NRG2: variants seen among roughly 807,000 people sequenced by gnomAD.
The protein encoded by NRG2 is pro-neuregulin-2, membrane-bound isoform.
NRG2 carries 27 observed loss-of-function variants against 73.9 expected under a neutral mutation model. The observed-to-expected ratio is 0.37, with a 90% CI of 0.27 to 0.50. The LOEUF (loss-of-function observed/expected upper bound fraction) is 0.50, where lower values mean the gene tolerates loss of function less well. Ranked by LOEUF, NRG2 falls within the 20% of genes least tolerant of loss-of-function variation. The probability of loss-of-function intolerance (pLI) is 0.96; values close to 1 mark genes in which losing one functional copy is unlikely to be tolerated. For missense variants in NRG2, 1,126 were observed against 1,210.1 expected (o/e 0.93, Z 1.03); for synonymous variants, 532 against 541.0 (o/e 0.98, Z 0.23).
intron 1 of NRG2, among the ~76,000 whole-genome samples, chr5:139,913,585 T>C (rs2127200909): frequency 6.6e-6 from 1 of 152,322 alleles, no homozygotes; most frequent in Non-Finnish European, 1.5e-5. Flanking sequence ...ATGAGAGCCT[T>C]TGTGCCCTCT....
At chr5:140,000,366 C>T (rs889766475) in intron 1 of NRG2, among the ~76,000 whole-genome samples, 1 of 152,216 alleles carries the variant, frequency 6.6e-6, no homozygotes, top group Admixed American at 6.5e-5. Context: ...TTGCACTACC[C>T]TTCCAGCTTC....
intron 1 of NRG2, among the ~76,000 whole-genome samples, chr5:139,966,320 G>C (rs1048754854): frequency 1.3e-5 from 2 of 152,192 alleles, no homozygotes; most frequent in East Asian, 3.8e-4. Flanking sequence ...GCACTTACGC[G>C]ACAGGTACTG....
chr5:139,890,379 G>A (rs1764128002), intron 1 of NRG2, among the ~76,000 whole-genome samples: 1 of 151,440 alleles, frequency 6.6e-6, no homozygotes, highest in Non-Finnish European at 1.5e-5. Flanking sequence ...TTAACCTTTT[G>A]CTACAAAGTT....
chr5:139,926,500 A>C (rs976032894), intron 1 of NRG2, among the ~76,000 whole-genome samples: 1 of 151,976 alleles, frequency 6.6e-6, no homozygotes. Flanking sequence ...ATCAGACCTC[A>C]GGCTGGCTTC....
intron 1 of NRG2, among the ~76,000 whole-genome samples, chr5:139,971,788 A>G (rs558014131): frequency 6.6e-6 from 1 of 152,308 alleles, no homozygotes; most frequent in Non-Finnish European, 1.5e-5. Context: ...AAAAGGAATA[A>G]ATGAAAGTAA....
Position 139,894,843 on chromosome 5 carries a change from C to T in NRG2, c.701-7332G>A, listed in dbSNP as rs1440214890. Among the ~76,000 whole-genome samples the T allele has an allele frequency of 6.6e-6, 1 of 152,190 alleles. No individual in the cohort carries two copies. Among genetic ancestry groups the T allele is most frequent in the East Asian group, 1.9e-4 (1 of 5,188 alleles). ...ACAGAGGCTGATCCTCAAAGAGGAC[C>T]ACCTTCCCTGCACCAGTGAAAACCA... On this transcript the variant is annotated intron_variant, in intron 1 of 9. Coordinates refer to ENST00000361474, the MANE Select transcript of NRG2 (RefSeq NM_004883.3). This position sits in a 1 kb window ranked among gnomAD's most constrained non-coding sequence, Gnocchi z 5.0.
chr5:139,852,452 G>A lies in NRG2; in HGVS notation c.1524C>T (p.Ala508=), dbSNP rs890572118. 1.2e-6 allele frequency: 2 copies of A among 1,613,964 alleles called. No individual in the cohort carries two copies. ...CCTACCTGTGGCTGGAGGTGGGTGT[G>A]GCTGTGGAGCAGTGGTGAGAAGGAG... The part of the protein sequence containing the change: ...SCSPSHHCST[A]TPTSSHRHES... The change falls in exon 8 of 10, where the codon GCC becomes GCT. Residue 508 remains alanine (A), a synonymous_variant. Coordinates refer to ENST00000361474, the MANE Select transcript of NRG2 (RefSeq NM_004883.3). This position sits in a 1 kb window ranked among gnomAD's most constrained non-coding sequence, Gnocchi z 4.4.
intron 1 of NRG2, among the ~76,000 whole-genome samples, chr5:139,999,032 C>T (rs1359241853): frequency 6.6e-6 from 1 of 152,064 alleles, no homozygotes; most frequent in East Asian, 1.9e-4. Context: ...AACACACAAC[C>T]CTCTAGGGAC....
intron 1 of NRG2, among the ~76,000 whole-genome samples, chr5:139,993,867 C>A (rs540239830): frequency 6.3e-4 from 96 of 152,120 alleles, no homozygotes; most frequent in African/African-American, 2.2e-3. Context: ...TGTCTGAATC[C>A]ATATAGTCAA....
intron 1 of NRG2, among the ~76,000 whole-genome samples, chr5:139,980,994 A>G (rs1424913580): frequency 6.6e-6 from 1 of 152,188 alleles, no homozygotes; most frequent in African/African-American, 2.4e-5. Context: ...ACTAAGCCTT[A>G]GCTCCTGGGG....
At chr5:139,942,304 A>G (rs1404760474) in intron 1 of NRG2, among the ~76,000 whole-genome samples, 1 of 152,196 alleles carries the variant, frequency 6.6e-6, no homozygotes, top group Non-Finnish European at 1.5e-5. Flanking sequence ...CCTTCAAAGT[A>G]CCTGTAGATA....
At chr5:139,926,793 T>C (rs570125907) in intron 1 of NRG2, among the ~76,000 whole-genome samples, 15 of 152,282 alleles carry the variant, frequency 9.9e-5, no homozygotes, top group Admixed American at 3.9e-4. Flanking sequence ...CTTGTTTGGG[T>C]GCAAGTAAAT....
At chr5:139,926,184 C>T (rs1441714645) in intron 1 of NRG2, among the ~76,000 whole-genome samples, 1 of 152,252 alleles carries the variant, frequency 6.6e-6, no homozygotes, top group African/African-American at 2.4e-5. Context: ...CTTTGGGTCT[C>T]CAAGAGGTGA....
rs1673027655 is a variant in NRG2 at position 139,894,074 on chromosome 5, T to G, written c.701-6563A>C. Reference sequence around the variant, plus strand: ...CCCTGAGACCAGGGGGTGCCGCTGCTGCCAGCAGCTTAACCTCATTCCTCT... The same window carrying G: ...CCCTGAGACCAGGGGGTGCCGCTGCGGCCAGCAGCTTAACCTCATTCCTCT... On this transcript the variant is annotated intron_variant, in intron 1 of 9. Coordinates refer to ENST00000361474, the MANE Select transcript of NRG2 (RefSeq NM_004883.3). The surrounding 1 kb of genome is among the most constrained non-coding windows in gnomAD (Gnocchi z 5.0). Among the ~76,000 whole-genome samples, 1 of 152,204 alleles carries G rather than the reference T, an allele frequency of 6.6e-6. No homozygotes were observed. Among genetic ancestry groups the G allele is most frequent in the Admixed American group, 6.5e-5 (1 of 15,288 alleles).
At chr5:139,889,014 G>T (rs1012382892) in intron 1 of NRG2, among the ~76,000 whole-genome samples, 1 of 152,132 alleles carries the variant, frequency 6.6e-6, no homozygotes, top group Non-Finnish European at 1.5e-5. Flanking sequence ...TTTCGCCTGG[G>T]TGTTAAATAT....
At chr5:139,892,253 GT>G (rs1346413256) in intron 1 of NRG2, among the ~76,000 whole-genome samples, 1 of 152,194 alleles carries the variant, frequency 6.6e-6, no homozygotes, top group East Asian at 1.9e-4. Context: ...GCCCTGCCAG[GT>G]TTTCTGTGGC....
intron 1 of NRG2, among the ~76,000 whole-genome samples, chr5:139,921,028 A>G (rs1751619249): frequency 6.6e-6 from 1 of 152,252 alleles, no homozygotes; most frequent in Non-Finnish European, 1.5e-5. Context: ...GAAATATTTC[A>G]GTATAAATCT....
intron 1 of NRG2, among the ~76,000 whole-genome samples, chr5:139,927,484 G>T (rs1198199931): frequency 6.6e-6 from 1 of 152,118 alleles, no homozygotes; most frequent in East Asian, 1.9e-4. Flanking sequence ...GCTCCTTAAA[G>T]AATGAATCAG....
At position 139,847,952 on chromosome 5, in the gene NRG2, G is replaced by A. The variant is rs1046600948; in HGVS notation, c.2518C>T (p.Pro840Ser). The part of the protein sequence containing the change: ...RASSRHSRGP[P>S]PRAKQDSAPL ...GCCGAGTCCTGCTTGGCCCGCGGGGGCGGCCCGCGGCTGTGTCTGCTGCTG... is the reference window on the plus strand; with the variant it reads ...GCCGAGTCCTGCTTGGCCCGCGGGGACGGCCCGCGGCTGTGTCTGCTGCTG... Residue 840 changes from proline (P) to serine (S), a missense_variant, in exon 10 of 10, where the codon CCC becomes TCC. Pro to Ser is a moderately conservative substitution (Grantham distance 74, BLOSUM62 -1). Coordinates refer to ENST00000361474, the MANE Select transcript of NRG2 (RefSeq NM_004883.3). 4 of 1,507,112 alleles carry A rather than the reference G, an allele frequency of 2.7e-6. No individual in the cohort carries two copies. The highest frequency in any genetic ancestry group is 1.5e-5 in the African/African-American group (1 of 68,864). The allele number at this position is 1,507,112 out of a possible 1,614,324, so 93.4% of individuals were successfully genotyped here.
Sources: gnomAD v4.1 joint callset for allele counts (sites outside exome capture counted in the v4.1 genomes callset) on GRCh38, gnomAD v4.1.1 for gene constraint, Gnocchi (gnomAD v3.1) non-coding constraint, MANE v1.5 for transcripts, NCBI Gene and HGNC (gene_info 2026-07-23, HGNC 2026-07-21) for gene names.